SPAM1: variants seen among roughly 807,000 people sequenced by gnomAD.
SPAM1 encodes the protein sperm adhesion molecule 1.
Under a neutral mutation model 29.6 loss-of-function variants are expected in SPAM1, and 22 were observed. The observed-to-expected ratio is 0.74, with a 90% CI of 0.53 to 1.06. The LOEUF (loss-of-function observed/expected upper bound fraction) is 1.06. Among genes scored for constraint, SPAM1 ranks in the 50% least tolerant of loss-of-function variants. The pLI is 0.00. For missense variants in SPAM1, 534 were observed against 604.0 expected (o/e 0.88, Z 1.21); for synonymous variants, 194 against 204.6 (o/e 0.95, Z 0.44).
At chr7:123,931,199 C>G (rs1247089227) in intron 1 of SPAM1, among the ~76,000 whole-genome samples, 1 of 152,168 alleles carries the variant, frequency 6.6e-6, no homozygotes, top group East Asian at 1.9e-4. Flanking sequence ...GCCCTCCTGC[C>G]TCTCAGTCCC....
chr7:123,960,504 A>AT (rs67718102), downstream of SPAM1, among the ~76,000 whole-genome samples: 1 of 151,552 alleles, frequency 6.6e-6, no homozygotes, highest in East Asian at 2.0e-4. Context: ...AAGAATTAGT[A>AT]TTTTTTTGCT....
At chr7:123,965,260 C>T (rs1387063537) in intron 5 of SPAM1, among the ~76,000 whole-genome samples, 1 of 151,922 alleles carries the variant, frequency 6.6e-6, no homozygotes, top group Non-Finnish European at 1.5e-5. Flanking sequence ...GAACTAGTTC[C>T]TATTCCTTTT....
At chr7:123,964,310 G>T (rs1473644759), downstream of SPAM1, among the ~76,000 whole-genome samples, 1 of 151,444 alleles carries the variant, frequency 6.6e-6, no homozygotes, top group African/African-American at 2.4e-5. Flanking sequence ...TTCAATACAG[G>T]ATATATTTAA....
At chr7:123,959,063 A>G (rs1344414147) in intron 4 of SPAM1, among the ~76,000 whole-genome samples, 1 of 152,034 alleles carries the variant, frequency 6.6e-6, no homozygotes, top group Non-Finnish European at 1.5e-5. Flanking sequence ...AAAGTCACCC[A>G]GATAGGAAAC....
chr7:123,958,552 G>T (rs953673998), intron 4 of SPAM1, among the ~76,000 whole-genome samples: 14 of 152,050 alleles, frequency 9.2e-5, no homozygotes, highest in African/African-American at 2.9e-4. Flanking sequence ...GGCAGGTGAG[G>T]CATGGTGGAT....
chr7:123,952,579 A>G (rs1792132362), intron 2 of SPAM1, among the ~76,000 whole-genome samples: 1 of 152,102 alleles, frequency 6.6e-6, no homozygotes, highest in South Asian at 2.1e-4. Context: ...AATACAGCTA[A>G]AGTATGTGCT....
At chr7:123,945,800 G>GT (rs916443186) in intron 1 of SPAM1, among the ~76,000 whole-genome samples, 145 of 148,904 alleles carry the variant, frequency 9.7e-4, no homozygotes, top group African/African-American at 2.7e-3. Context: ...CCAAGCCCCT[G>GT]TTTTTTTTTT....
At chr7:123,943,045 C>T (rs1808476432) in intron 1 of SPAM1, among the ~76,000 whole-genome samples, 1 of 152,144 alleles carries the variant, frequency 6.6e-6, no homozygotes, top group Non-Finnish European at 1.5e-5. Context: ...TAGGAGTATA[C>T]TTTACTCAAT....
intron 1 of SPAM1, among the ~76,000 whole-genome samples, chr7:123,927,978 C>T (rs900006203): frequency 1.3e-5 from 2 of 152,038 alleles, no homozygotes; most frequent in Non-Finnish European, 2.9e-5. Flanking sequence ...AGAATAGTGG[C>T]TGGATTAGGA....
chr7:123,927,689 G>C (rs768665975), intron 1 of SPAM1, among the ~76,000 whole-genome samples: 3 of 152,164 alleles, frequency 2.0e-5, no homozygotes, highest in Non-Finnish European at 4.4e-5. Context: ...GAGTCTATAA[G>C]AGCACCCTGT....
intron 1 of SPAM1, among the ~76,000 whole-genome samples, chr7:123,947,137 T>TC (rs1808601406): frequency 6.6e-6 from 1 of 152,204 alleles, no homozygotes; most frequent in South Asian, 2.1e-4. Context: ...TTTGTTAATT[T>TC]TTAAAGGAGA....
intron 1 of SPAM1, among the ~76,000 whole-genome samples, chr7:123,929,937 G>A (rs1808018158): frequency 6.7e-6 from 1 of 148,482 alleles, no homozygotes; most frequent in South Asian, 2.2e-4. Context: ...GGAGCTTCAG[G>A]GATTAAAGGA....
At chr7:123,927,587 G>C (rs759958098) in intron 1 of SPAM1, among the ~76,000 whole-genome samples, 49 of 152,176 alleles carry the variant, frequency 3.2e-4, no homozygotes, top group Non-Finnish European at 6.0e-4. Flanking sequence ...GATATCTCAT[G>C]TTCTTAGCAG....
Position 123,969,967 on chromosome 7 carries a change from G to A in SPAM1, c.1486-231G>A, listed in dbSNP as rs112627922. ...GAGCTAGCTCTGTATTTTAAGAGAGGTTTCTCTTTTTCCTAGAGTGGTGGT... is the reference window on the plus strand; with the variant it reads ...GAGCTAGCTCTGTATTTTAAGAGAGATTTCTCTTTTTCCTAGAGTGGTGGT... On this transcript the variant is annotated intron_variant, in intron 5 of 6. Coordinates refer to the SPAM1 transcript ENST00000340011. 8.7e-4 allele frequency among the ~76,000 whole-genome samples: 133 copies of A among 152,092 alleles called. 1 individual carries two copies. The highest frequency in any genetic ancestry group is 3.1e-3 in the African/African-American group (129 of 41,528).
intron 1 of SPAM1, among the ~76,000 whole-genome samples, chr7:123,938,936 GT>G (rs573590291): frequency 3.3e-5 from 5 of 151,238 alleles, no homozygotes; most frequent in East Asian, 1.9e-4. Flanking sequence ...TTGGTCCTAG[GT>G]TTTTTTTTAT....
chr7:123,940,116 T>C (rs946964323), intron 1 of SPAM1, among the ~76,000 whole-genome samples: 1 of 152,158 alleles, frequency 6.6e-6, no homozygotes, highest in Non-Finnish European at 1.5e-5. Flanking sequence ...TTGACTGCAC[T>C]GTGGCTTCTG....
chr7:123,953,000 T>A (rs1157736926), intron 2 of SPAM1, among the ~76,000 whole-genome samples: 1 of 151,800 alleles, frequency 6.6e-6, no homozygotes, highest in African/African-American at 2.4e-5. Context: ...CGCTAGAAAG[T>A]GGTCTTTCAA....
chr7:123,945,347 A>G (rs1039189757), intron 1 of SPAM1, among the ~76,000 whole-genome samples: 4 of 152,158 alleles, frequency 2.6e-5, no homozygotes. Flanking sequence ...TGCACCTCTG[A>G]ATTAGAATTA....
At position 123,953,821 on chromosome 7, in the gene SPAM1, C is replaced by T. The variant is rs1792175607; in HGVS notation, c.251C>T (p.Thr84Ile). 1 of 1,613,012 alleles carries T rather than the reference C, an allele frequency of 6.2e-7. No homozygotes were observed. ...SFIGSPRINA[T>I]GQGVTIFYVD... Reference sequence around the variant, plus strand: ...ATAGGAAGCCCCCGAATAAACGCCACCGGGCAAGGTGTTACAATATTTTAT... The same window carrying T: ...ATAGGAAGCCCCCGAATAAACGCCATCGGGCAAGGTGTTACAATATTTTAT... The change falls in exon 3 of 5, where the codon ACC becomes ATC. Residue 84 changes from threonine (T) to isoleucine (I), a missense_variant. By Grantham distance (89) the Thr-to-Ile change is moderately conservative. Transcript: ENST00000682466.
Sources: gnomAD v4.1 joint callset for allele counts (sites outside exome capture counted in the v4.1 genomes callset) on GRCh38, gnomAD v4.1.1 for gene constraint, MANE v1.5 for transcripts, NCBI Gene and HGNC (gene_info 2026-07-23, HGNC 2026-07-21) for gene names.